Variants in CASKIN2 observed in about 807,000 individuals in gnomAD.
CASKIN2 encodes the protein caskin-2.
Under a neutral mutation model 107.1 loss-of-function variants are expected in CASKIN2, and 41 were observed. That is an observed-to-expected ratio of 0.38 (90% CI 0.30 to 0.50). The LOEUF (loss-of-function observed/expected upper bound fraction) is 0.50. Ranked by LOEUF, CASKIN2 falls within the 20% of genes least tolerant of loss-of-function variation. The probability of loss-of-function intolerance (pLI) is 0.92; values close to 1 mark genes in which losing one functional copy is unlikely to be tolerated. For missense variants in CASKIN2, 1,546 were observed against 1,657.4 expected, an observed-to-expected ratio of 0.93 and a Z score of 1.17; for synonymous variants, 724 against 705.6, an observed-to-expected ratio of 1.03 and a Z score of -0.41.
In CASKIN2 at chr17:75,514,189, G is replaced by T. The variant is rs1469809925; in HGVS notation, c.-385C>A. On this transcript the variant is annotated 5_prime_UTR_variant, in exon 2 of 20. Coordinates refer to ENST00000321617, the MANE Select transcript of CASKIN2 (RefSeq NM_020753.5). ...ATTCCCTTGGGCCTCAGGCAGCAGCGGTGCACTGGTCTCAGGGCTCTGGAA... is the reference window on the plus strand; with the variant it reads ...ATTCCCTTGGGCCTCAGGCAGCAGCTGTGCACTGGTCTCAGGGCTCTGGAA... 1 of 501,332 alleles carries T rather than the reference G, an allele frequency of 2.0e-6. No individual in the cohort carries two copies. The highest frequency in any genetic ancestry group is 3.6e-5 in the Admixed American group (1 of 28,046). 31.1% of individuals were successfully genotyped at this position (501,332 alleles called of 1,614,324 possible).
rs1395550472 is a variant in CASKIN2, at chr17:75,515,461, TG to T, written c.-466del. The T allele has an allele frequency of 6.6e-6, 1 of 152,346 alleles. No homozygotes were observed. Among genetic ancestry groups the T allele is most frequent in the African/African-American group, 2.4e-5 (1 of 41,330 alleles). The allele number at this position is 152,346 out of a possible 1,614,324, so 9.4% of individuals were successfully genotyped here. A position where few individuals can be genotyped will look rare whatever the true frequency, so the allele number is the denominator to read the frequency against. On this transcript the variant is annotated 5_prime_UTR_variant, in exon 1 of 20. Coordinates refer to ENST00000321617, the MANE Select transcript of CASKIN2 (RefSeq NM_020753.5). ...GCTCGGTCCCTGGCACTCAGGACGG[TG>T]GCTCCCACTCCCCCCTGCCCCCCTT...
chr17:75,505,742 C>G lies in CASKIN2; in HGVS notation c.835+79G>C, dbSNP rs959100541. 11 of 1,549,444 alleles carry G rather than the reference C, an allele frequency of 7.1e-6. No individual in the cohort carries two copies. The Admixed American group carries it at 1.5e-4, about 21-fold the overall frequency. On this transcript the variant is annotated intron_variant, in intron 9 of 19. Coordinates refer to ENST00000321617, the MANE Select transcript of CASKIN2 (RefSeq NM_020753.5). The surrounding 1 kb of genome is among the most constrained non-coding windows in gnomAD (Gnocchi z 5.1). ...GCCCTTGACAACCCTCCCCCAGGGACGTCCACTCCCCCTCCACATCCTGGT... is the reference window on the plus strand; with the variant it reads ...GCCCTTGACAACCCTCCCCCAGGGAGGTCCACTCCCCCTCCACATCCTGGT...
intron 16 of CASKIN2, 62 bp downstream of exon 16, chr17:75,503,597 G>A (rs1295377075): frequency 1.8e-5 from 29 of 1,604,074 alleles, no homozygotes; most frequent in South Asian, 6.6e-5. Flanking sequence ...AAAAGGCACC[G>A]CAAAGCCACA....
Position 75,507,645 on chromosome 17 carries a change from G to A in CASKIN2, c.183C>T (p.Ser61=). The change falls in exon 4 of 20, where the codon AGC becomes AGT. Residue 61 remains serine (S), a synonymous_variant. Coordinates refer to ENST00000321617, the MANE Select transcript of CASKIN2 (RefSeq NM_020753.5). ...SALHHAALGG[S]LELIALLLEA... ...CTAGCAGCAAGGCTATGAGCTCCAG[G>A]CTGCCCCCCAAAGCAGCGTGGTGGA... is the stretch of plus-strand genomic sequence containing the variant. 6.2e-7 allele frequency: 1 copy of A among 1,613,194 alleles called. No homozygotes were observed. The highest frequency in any genetic ancestry group is 2.2e-5 in the East Asian group (1 of 44,860).
In CASKIN2 at chr17:75,502,197, G is replaced by A; in HGVS notation, c.2877C>T (p.Thr959=). The stretch of plus-strand genomic sequence containing the variant: ...CAGCGGGCTTCGGGCGCTGTTTGAT[G>A]GTCAGGTTCCCTTCCTCTGCAAACG... ...GLPFAEEGNL[T]IKQRPKPAGP... The change falls in exon 18 of 20, where the codon ACC becomes ACT. Residue 959 remains threonine, a synonymous_variant. Coordinates refer to ENST00000321617, the MANE Select transcript of CASKIN2 (RefSeq NM_020753.5). The surrounding 1 kb of genome is among the most constrained non-coding windows in gnomAD (Gnocchi z 4.3). 6.3e-7 allele frequency: 1 copy of A among 1,599,628 alleles called. No individual in the cohort carries two copies. Among genetic ancestry groups the A allele is most frequent in the Non-Finnish European group, 8.5e-7 (1 of 1,178,804 alleles).
chr17:75,502,367 GGGGCCCTGTGGCCCCTTCCTT>G lies in CASKIN2; in HGVS notation c.2686_2706del (p.Lys896_Pro902del), dbSNP rs2053206575. On this transcript the variant is annotated inframe_deletion, in exon 18 of 20. Coordinates refer to ENST00000321617, the MANE Select transcript of CASKIN2 (RefSeq NM_020753.5). The surrounding 1 kb of genome is among the most constrained non-coding windows in gnomAD (Gnocchi z 4.3). Reference sequence around the variant, plus strand: ...GCAGGTTCACTCAGTGTTCGCCTTCGGGGCCCTGTGGCCCCTTCCTTGGGCCCTGGGCTCTCATCTAGTGGA... The same window carrying G: ...GCAGGTTCACTCAGTGTTCGCCTTCGGGGCCCTGGGCTCTCATCTAGTGGA... 4.1e-6 allele frequency: 6 copies of G among 1,478,748 alleles called. No individual in the cohort carries two copies. Among genetic ancestry groups the G allele is most frequent in the Non-Finnish European group, 5.4e-6 (6 of 1,117,020 alleles). 91.6% of individuals were successfully genotyped at this position (1,478,748 alleles called of 1,614,324 possible).
intron 2 of CASKIN2, chr17:75,509,591 T>C: frequency 2.0e-6 from 2 of 985,666 alleles, no homozygotes; most frequent in Non-Finnish European, 2.4e-6. Context: ...AGACCTCCAT[T>C]TTCCTCCAGT....
At position 75,503,092 on chromosome 17, in the gene CASKIN2, C is replaced by T. The variant is rs2053221924; in HGVS notation, c.1982G>A (p.Gly661Asp). Residue 661 changes from glycine (G) to aspartate (D), a missense_variant, in exon 18 of 20, where the codon GGC becomes GAC. Around this residue, in one of 6 missense-constraint regions of CASKIN2, gnomAD observed 1,311 missense variants for 1,311.0 expected, o/e 1.00. Transcript: ENST00000321617. ...LENGEGPATA[G>D]PRLLTFQGSE... Reference sequence around the variant, plus strand: ...GCCCTGGAAGGTGAGGAGCCGTGGGCCAGCTGTAGCTGGGCCTTCTCCGTT... The same window carrying T: ...GCCCTGGAAGGTGAGGAGCCGTGGGTCAGCTGTAGCTGGGCCTTCTCCGTT... The T allele has an allele frequency of 2.5e-6, 4 of 1,607,378 alleles. No individual in the cohort carries two copies. The East Asian group carries it at 6.7e-5, about 27-fold the overall frequency.
chr17:75,514,525 C>T (rs1392461537), intron 1 of CASKIN2, among the ~76,000 whole-genome samples: 1 of 152,124 alleles, frequency 6.6e-6, no homozygotes, highest in Non-Finnish European at 1.5e-5. Context: ...GCCGGGCCAG[C>T]AGCCTGTTCT....
intron 2 of CASKIN2, among the ~76,000 whole-genome samples, chr17:75,510,161 C>T (rs2053304668): frequency 6.6e-6 from 1 of 152,302 alleles, no homozygotes; most frequent in South Asian, 2.1e-4. Context: ...CCCCAGCACA[C>T]CCCATTTCCT....
At chr17:75,504,068 GCTCTT>G in intron 14 of CASKIN2, 106 bp from the exon 15 acceptor site, 2 of 1,210,210 alleles carry the variant, frequency 1.7e-6, no homozygotes, top group Non-Finnish European at 2.3e-6. Flanking sequence ...CCATACAGAG[GCTCTT>G]GCCTCTACCC....
chr17:75,507,743 T>G lies in CASKIN2; in HGVS notation c.147-62A>C, dbSNP rs138974799. 1.9e-4 allele frequency: 245 copies of G among 1,301,994 alleles called. 1 individual carries two copies. In the Middle Eastern group the frequency reaches 6.0e-3, roughly 32 times the overall value. 80.7% of individuals were successfully genotyped at this position (1,301,994 alleles called of 1,614,324 possible). ...GGCAGCCCCCACCCCCAAATCCTGG[T>G]CTTCCATACCCGAACCTATCCTGGG... On this transcript the variant is annotated intron_variant, in intron 3 of 19. Transcript: ENST00000321617.
chr17:75,505,809 C>A lies in CASKIN2; in HGVS notation c.835+12G>T, dbSNP rs775960710. On this transcript the variant is annotated intron_variant, in intron 9 of 19. Coordinates refer to ENST00000321617, the MANE Select transcript of CASKIN2 (RefSeq NM_020753.5). The surrounding 1 kb of genome is among the most constrained non-coding windows in gnomAD (Gnocchi z 5.1). Reference sequence around the variant, plus strand: ...CAGGCCCCCTGGGCAGGGTATCCTCCCCCGCACTCACCCCGCAGTAGCTGC... The same window carrying A: ...CAGGCCCCCTGGGCAGGGTATCCTCACCCGCACTCACCCCGCAGTAGCTGC... The A allele has an allele frequency of 1.1e-5, 18 of 1,611,726 alleles. No individual in the cohort carries two copies. Among genetic ancestry groups the A allele is most frequent in the South Asian group, 4.4e-5 (4 of 90,994 alleles).
At position 75,503,674 on chromosome 17, in the gene CASKIN2, C is replaced by T. The variant is rs201290497; in HGVS notation, c.1665G>A (p.Leu555=). The part of the protein sequence containing the change: ...EIAQLSIAEW[L]PSYIPTDLLE... ...GATGGCTCACTGGGATGTAGCTGGG[C>T]AGCCACTCGGCGATGCTGAGCTGAG... Residue 555 remains leucine (L), a synonymous_variant, in exon 16 of 20, where the codon CTG becomes CTA. Transcript: ENST00000321617. The T allele has an allele frequency of 2.5e-6, 4 of 1,612,010 alleles. No homozygotes were observed. Among genetic ancestry groups the T allele is most frequent in the Admixed American group, 3.3e-5 (2 of 60,024 alleles).
At chr17:75,508,176 C>T (rs1598468314) in intron 3 of CASKIN2, 58 bp downstream of exon 3, 2 of 1,563,390 alleles carry the variant, frequency 1.3e-6, no homozygotes, top group Non-Finnish European at 8.8e-7. Context: ...AGCCCCACCC[C>T]TGGGGCTCTA....
chr17:75,511,164 G>A (rs577790928), intron 2 of CASKIN2, among the ~76,000 whole-genome samples: 26 of 148,864 alleles, frequency 1.7e-4, no homozygotes, highest in East Asian at 4.1e-4. Flanking sequence ...AGGTTCAAGC[G>A]ATCCTCCTGC....
rs940882303 is a variant in CASKIN2 at position 75,514,119 on chromosome 17, C to A, written c.-315G>T. 6 of 529,380 alleles carry A rather than the reference C, an allele frequency of 1.1e-5. No homozygotes were observed. The African/African-American group carries it at 1.1e-4, about 10-fold the overall frequency. 32.8% of individuals were successfully genotyped at this position (529,380 alleles called of 1,614,324 possible). ...CTGGGACTGGGCACACCAATCTTCC[C>A]GGCTTGGCTGTGGAACACCAGTGCC... is the stretch of plus-strand genomic sequence containing the variant. On this transcript the variant is annotated 5_prime_UTR_variant, in exon 2 of 20. Coordinates refer to ENST00000321617, the MANE Select transcript of CASKIN2 (RefSeq NM_020753.5).
chr17:75,505,205 G>T lies in CASKIN2; in HGVS notation c.931-132C>A. 1.0e-6 allele frequency: 1 copy of T among 982,504 alleles called. No homozygotes were observed. Among genetic ancestry groups the T allele is most frequent in the Non-Finnish European group, 1.5e-6 (1 of 651,466 alleles). 60.9% of individuals were successfully genotyped at this position (982,504 alleles called of 1,614,324 possible). On this transcript the variant is annotated intron_variant, in intron 10 of 19. Transcript: ENST00000321617. This position sits in a 1 kb window ranked among gnomAD's most constrained non-coding sequence, Gnocchi z 5.1. Reference sequence around the variant, plus strand: ...TACCCCTAAGGAGCTGGCCTCTGATGCCCACACTGGCCCAAGTTCCGCCCC... The same window carrying T: ...TACCCCTAAGGAGCTGGCCTCTGATTCCCACACTGGCCCAAGTTCCGCCCC...
At position 75,505,541 on chromosome 17, in the gene CASKIN2, G is replaced by A; in HGVS notation, c.930+16C>T. 3 of 1,611,422 alleles carry A rather than the reference G, an allele frequency of 1.9e-6. No individual in the cohort carries two copies. The highest frequency in any genetic ancestry group is 2.5e-6 in the Non-Finnish European group (3 of 1,178,184). ...CATTTGTATTTGCAAAGGAATGCCTGCTTGGGGTCCCTCACCGTGATGACA... is the reference window on the plus strand; with the variant it reads ...CATTTGTATTTGCAAAGGAATGCCTACTTGGGGTCCCTCACCGTGATGACA... On this transcript the variant is annotated intron_variant, in intron 10 of 19. Transcript: ENST00000321617. The surrounding 1 kb of genome is among the most constrained non-coding windows in gnomAD (Gnocchi z 5.1).
Sources: allele counts gnomAD v4.1 joint callset (sites outside exome capture counted in the v4.1 genomes callset), GRCh38; gene constraint gnomAD v4.1.1; regional missense constraint gnomAD v4.1.1; non-coding constraint Gnocchi (gnomAD v3.1); transcripts MANE v1.5; gene names NCBI Gene and HGNC (gene_info 2026-07-23, HGNC 2026-07-21).